ANKRD55: variants seen among roughly 807,000 people sequenced by gnomAD.
ANKRD55 encodes the protein ankyrin repeat domain-containing protein 55.
In ANKRD55, 41 loss-of-function variants were observed where a neutral mutation model predicts 60.6. The ratio of observed to expected loss-of-function variants is 0.68; its 90% CI spans 0.53 to 0.88. The LOEUF (loss-of-function observed/expected upper bound fraction) is 0.88, where lower values mean the gene tolerates loss of function less well. Ranked by LOEUF, ANKRD55 falls within the 40% of genes least tolerant of loss-of-function variation. The pLI, the probability that ANKRD55 is intolerant of heterozygous loss-of-function variation, is 0.00. For missense variants in ANKRD55, 732 were observed against 767.6 expected, an observed-to-expected ratio of 0.95 and a Z score of 0.55; for synonymous variants, 264 against 290.3, an observed-to-expected ratio of 0.91 and a Z score of 0.92.
intron 2 of ANKRD55, among the ~76,000 whole-genome samples, chr5:56,198,421 G>T (rs192326704): frequency 1.6e-4 from 24 of 151,926 alleles, no homozygotes; most frequent in African/African-American, 5.8e-4. Context: ...GAGTAGCTGG[G>T]GTTACAGGCA....
chr5:56,143,424 A>G (rs1757819449), intron 7 of ANKRD55, among the ~76,000 whole-genome samples: 1 of 152,130 alleles, frequency 6.6e-6, no homozygotes, highest in Non-Finnish European at 1.5e-5. Flanking sequence ...ATCACCTGAA[A>G]TGACTCTGCT....
chr5:56,109,815 G>T (rs970516349), intron 10 of ANKRD55, among the ~76,000 whole-genome samples: 1 of 152,102 alleles, frequency 6.6e-6, no homozygotes, highest in East Asian at 1.9e-4. Context: ...AGGTCAGATC[G>T]AGACCATCCT....
At chr5:56,112,706 A>G (rs888446247) in intron 9 of ANKRD55, among the ~76,000 whole-genome samples, 15 of 152,046 alleles carry the variant, frequency 9.9e-5, no homozygotes, top group African/African-American at 3.4e-4. Context: ...TTCCTTAGAA[A>G]ATTCTGTGTG....
intron 7 of ANKRD55, among the ~76,000 whole-genome samples, chr5:56,129,302 A>G (rs1344125283): frequency 6.6e-6 from 1 of 152,254 alleles, no homozygotes; most frequent in East Asian, 1.9e-4. Flanking sequence ...GTTATTAAAT[A>G]GGGAAAGAAA....
At chr5:56,146,287 A>AT (rs58370601) in intron 6 of ANKRD55, among the ~76,000 whole-genome samples, 9,091 of 142,688 alleles carry the variant, frequency 0.064, 848 homozygotes, top group African/African-American at 0.21. Context: ...TGCTCCACTG[A>AT]TTTTTTTTTT....
chr5:56,208,670 C>T (rs1377614605), intron 2 of ANKRD55, among the ~76,000 whole-genome samples: 4 of 152,182 alleles, frequency 2.6e-5, no homozygotes, highest in East Asian at 1.9e-4. Context: ...GTGATCTGCT[C>T]GCCTTGGCCT....
chr5:56,101,758 C>G (rs1353853424), intron 11 of ANKRD55, among the ~76,000 whole-genome samples: 1 of 151,588 alleles, frequency 6.6e-6, no homozygotes, highest in Non-Finnish European at 1.5e-5. Flanking sequence ...ATCAATAATA[C>G]CAAAAGTAAT....
At chr5:56,108,166 C>T (rs1409034726) in intron 10 of ANKRD55, 1 of 152,212 alleles carries the variant, frequency 6.6e-6, no homozygotes, top group Admixed American at 6.6e-5. Context: ...AGCCACTGCA[C>T]CTGGCCGTGA....
At chr5:56,209,761 G>C (rs1311298141) in intron 2 of ANKRD55, among the ~76,000 whole-genome samples, 1 of 152,188 alleles carries the variant, frequency 6.6e-6, no homozygotes, top group East Asian at 1.9e-4. Context: ...CACCGCGCCC[G>C]GCTACATGTA....
At chr5:56,106,922 G>A (rs1253922489) in intron 10 of ANKRD55, among the ~76,000 whole-genome samples, 1 of 151,368 alleles carries the variant, frequency 6.6e-6, no homozygotes, top group East Asian at 1.9e-4. Context: ...TGAGATGGGA[G>A]GATTGCTTAA....
At chr5:56,168,074 T>A (rs563232245) in intron 5 of ANKRD55, among the ~76,000 whole-genome samples, 1 of 152,288 alleles carries the variant, frequency 6.6e-6, no homozygotes, top group Admixed American at 6.5e-5. Flanking sequence ...GGGAGGTAGA[T>A]TCCTGGCTAG....
rs160495 is a variant in ANKRD55, at chr5:56,172,749, A to G, written c.313-1946T>C. Among the ~76,000 whole-genome samples the G allele has an allele frequency of 3.0e-4, 46 of 152,128 alleles. 2 individuals carry two copies. In the East Asian group the frequency reaches 6.4e-3, roughly 21 times the overall value. ...GGGCATTTTTTTTTTATTACGTGTT[A>G]CAAATGAAGGAGAAAGCACAAAGAG... On this transcript the variant is annotated intron_variant, in intron 4 of 11. Transcript: ENST00000341048.
chr5:56,173,580 CTCTATATA>C lies in ANKRD55; in HGVS notation c.312+2564_312+2571del, dbSNP rs1396176048. ...TCTCTCTCTCTCTCTCTCTCTCTCT[CTCTATATA>C]TATATATATATATATATATCTTGGC... On this transcript the variant is annotated intron_variant, in intron 4 of 11. Coordinates refer to ENST00000341048, the MANE Select transcript of ANKRD55 (RefSeq NM_024669.3). Among the ~76,000 whole-genome samples, 339 of 59,750 alleles carry C rather than the reference CTCTATATA, an allele frequency of 5.7e-3. 5 individuals carry two copies. The highest frequency in any genetic ancestry group is 0.022 in the African/African-American group (317 of 14,718). The allele number at this position is 59,750 out of a possible 152,430, so 39.2% of individuals were successfully genotyped here.
chr5:56,135,356 T>TTTTTTTCTTTCTTTCTTTCTTTC, intron 7 of ANKRD55, among the ~76,000 whole-genome samples: 1 of 53,726 alleles, frequency 1.9e-5, no homozygotes, highest in East Asian at 4.6e-4. Context: ...TCTTTCTTTC[T>TTTTTTTCTTTCTTTCTTTCTTTC]TTCTTTCTTT....
intron 6 of ANKRD55, among the ~76,000 whole-genome samples, chr5:56,145,917 T>C (rs1472642436): frequency 6.6e-6 from 1 of 152,228 alleles, no homozygotes; most frequent in Non-Finnish European, 1.5e-5. Flanking sequence ...GCTGAATATT[T>C]ACTTGGAAAT....
intron 5 of ANKRD55, chr5:56,162,185 T>TG (rs1758349676): frequency 7.8e-6 from 2 of 255,652 alleles, no homozygotes; most frequent in East Asian, 3.6e-4. Context: ...CAGGATCTTC[T>TG]GGGGCTCTAA....
intron 4 of ANKRD55, among the ~76,000 whole-genome samples, chr5:56,174,476 C>A (rs894649822): frequency 2.0e-5 from 3 of 152,042 alleles, no homozygotes; most frequent in African/African-American, 7.2e-5. Flanking sequence ...AAGGCATGTG[C>A]TAGAAGGGAG....
chr5:56,193,492 G>T, intron 2 of ANKRD55: 1 of 476,796 alleles, frequency 2.1e-6, no homozygotes. Flanking sequence ...TTTTACAACT[G>T]TGTATGTGTT....
chr5:56,105,495 G>C (rs952808697), intron 10 of ANKRD55, among the ~76,000 whole-genome samples: 1 of 152,208 alleles, frequency 6.6e-6, no homozygotes, highest in African/African-American at 2.4e-5. Context: ...GTTCTTAAAA[G>C]ATTGTAGGAA....
Sources: allele counts gnomAD v4.1 joint callset (sites outside exome capture counted in the v4.1 genomes callset), GRCh38; gene constraint gnomAD v4.1.1; transcripts MANE v1.5; gene names NCBI Gene and HGNC (gene_info 2026-07-23, HGNC 2026-07-21).